Variants in C7orf57 observed in about 807,000 individuals in gnomAD.
The protein encoded by C7orf57 is chromosome 7 open reading frame 57.
C7orf57 carries 33 observed loss-of-function variants against 39.0 expected under a neutral mutation model. The ratio of observed to expected loss-of-function variants is 0.85; its 90% CI spans 0.64 to 1.13. The LOEUF (loss-of-function observed/expected upper bound fraction) is 1.13. Ranked by LOEUF, C7orf57 falls within the 50% of genes most tolerant of loss-of-function variation. The probability of loss-of-function intolerance (pLI) is 0.00; values close to 1 mark genes in which losing one functional copy is unlikely to be tolerated. For synonymous variants in C7orf57, 124 were observed against 137.1 expected (o/e 0.90, Z 0.67); for missense variants, 346 against 362.3 (o/e 0.95, Z 0.37).
Position 48,052,848 on chromosome 7 carries a change from C to T in C7orf57, c.754C>T (p.Arg252Ter), listed in dbSNP as rs570312858. 223 of 1,614,024 alleles carry T rather than the reference C, an allele frequency of 1.4e-4. 1 individual carries two copies. The East Asian group carries it at 3.7e-3, about 27-fold the overall frequency. Reference sequence around the variant, plus strand: ...GGCATCAGTGTTATCTCAGTCCCCACGAGACCTGGAAGGTCCCCAGGATGC... The same window carrying T: ...GGCATCAGTGTTATCTCAGTCCCCATGAGACCTGGAAGGTCCCCAGGATGC... ...SRASVLSQSP[R>*]DLEGPQDAAR... Residue 252 changes from arginine (R) to a stop codon, truncating the protein, a stop_gained, in exon 7 of 9, where the codon CGA (arginine) becomes TGA (stop). Coordinates refer to ENST00000348904, the MANE Select transcript of C7orf57 (RefSeq NM_001100159.3). LOFTEE classifies it high-confidence loss of function.
Position 48,051,774 on chromosome 7 carries a change from C to CT in C7orf57, c.606-923dup, listed in dbSNP as rs767923235. Among the ~76,000 whole-genome samples, 242 of 51,966 alleles carry CT rather than the reference C, an allele frequency of 4.7e-3. 18 individuals carry two copies. The highest frequency in any genetic ancestry group is 0.013 in the African/African-American group (214 of 16,992). The allele number at this position is 51,966 out of a possible 152,430, so 34.1% of individuals were successfully genotyped here. A position where few individuals can be genotyped will look rare whatever the true frequency, so the allele number is the denominator to read the frequency against. On this transcript the variant is annotated intron_variant, in intron 6 of 8. Coordinates refer to ENST00000348904, the MANE Select transcript of C7orf57 (RefSeq NM_001100159.3). ...CTTTTCTTTCTTTCTTTCTTTCTTTCTTTCTTTCTTTCTTTCTTTCTTTCC... is the reference window on the plus strand; with the variant it reads ...CTTTTCTTTCTTTCTTTCTTTCTTTCTTTTCTTTCTTTCTTTCTTTCTTTCC...
intron 6 of C7orf57, among the ~76,000 whole-genome samples, chr7:48,051,856 TTTCTTTCTTTCTTTCTCTTTC>T (rs1790945026): frequency 2.5e-5 from 2 of 79,822 alleles, no homozygotes; most frequent in African/African-American, 6.5e-5. Context: ...TCTTTCTTTC[TTTCTTTCTTTCTTTCTCTTTC>T]TCTTTCTTTC....
At chr7:48,058,124 A>T (rs1210948765) in intron 8 of C7orf57, among the ~76,000 whole-genome samples, 2 of 151,984 alleles carry the variant, frequency 1.3e-5, no homozygotes, top group South Asian at 2.1e-4. Context: ...TTTTGCATCT[A>T]TGTTTATCAG....
At chr7:48,052,458 G>A (rs533826537) in intron 6 of C7orf57, among the ~76,000 whole-genome samples, 1 of 152,194 alleles carries the variant, frequency 6.6e-6, no homozygotes, top group East Asian at 1.9e-4. Context: ...CCTGTACAAG[G>A]GATGCTTTGA....
rs143310989 is a variant in C7orf57, at chr7:48,047,733, C to T, written c.507+1117C>T. On this transcript the variant is annotated intron_variant, in intron 5 of 8. Transcript: ENST00000348904. ...ATTTTTTTAATTAGAGAGAAGTTCT[C>T]GCTCTGTCACCCAGGCTGGAGTGCA... Among the ~76,000 whole-genome samples, 1,163 of 152,076 alleles carry T rather than the reference C, an allele frequency of 7.6e-3. 9 individuals carry two copies. The highest frequency in any genetic ancestry group is 0.022 in the South Asian group (106 of 4,810).
In C7orf57 at chr7:48,035,658, G is replaced by T. The variant is rs1286759712; in HGVS notation, c.-102+28G>T. 1 of 648,960 alleles carries T rather than the reference G, an allele frequency of 1.5e-6. No homozygotes were observed. Among genetic ancestry groups the T allele is most frequent in the Non-Finnish European group, 2.8e-6 (1 of 358,598 alleles). The allele number at this position is 648,960 out of a possible 1,614,324, so 40.2% of individuals were successfully genotyped here. A position where few individuals can be genotyped will look rare whatever the true frequency, so the allele number is the denominator to read the frequency against. The stretch of plus-strand genomic sequence containing the variant: ...GAGCCTGAGCGGGCTGGAGGACAAT[G>T]GGGGCGCCCACTGTGGTCCCGGGCC... On this transcript the variant is annotated intron_variant, in intron 1 of 8. Transcript: ENST00000348904. The surrounding 1 kb of genome is among the most constrained non-coding windows in gnomAD (Gnocchi z 4.0).
intron 7 of C7orf57, 101 bp from the exon 8 acceptor site, chr7:48,054,494 A>G: frequency 1.1e-6 from 1 of 935,886 alleles, no homozygotes; most frequent in South Asian, 1.6e-5. Context: ...TTGTTGTTTT[A>G]AGTAATACAG....
At position 48,035,557 on chromosome 7, in the gene C7orf57, G is replaced by GCAGC. The variant is rs572832566; in HGVS notation, c.-165_-162dup. ...GCTGGGAGTTTGGGTTTGGTTGGCT[G>GCAGC]CAGCCAGCCAGCCGTGTAAAAACTC... On this transcript the variant is annotated 5_prime_UTR_variant, in exon 1 of 9. Transcript: ENST00000348904. This position sits in a 1 kb window ranked among gnomAD's most constrained non-coding sequence, Gnocchi z 4.0. The GCAGC allele has an allele frequency of 7.0e-4, 489 of 698,288 alleles. 1 individual carries two copies. Among genetic ancestry groups the GCAGC allele is most frequent in the African/African-American group, 6.5e-3 (368 of 56,768 alleles). The allele number at this position is 698,288 out of a possible 1,614,324, so 43.3% of individuals were successfully genotyped here.
chr7:48,046,376 G>A, intron 4 of C7orf57, 84 bp from the exon 5 acceptor site: 2 of 1,304,614 alleles, frequency 1.5e-6, no homozygotes, highest in African/African-American at 1.5e-5. Flanking sequence ...GAGGGAAAGG[G>A]AGAGCCAGCG....
intron 8 of C7orf57, among the ~76,000 whole-genome samples, chr7:48,057,993 C>T (rs1791165837): frequency 6.6e-6 from 1 of 152,070 alleles, no homozygotes; most frequent in Admixed American, 6.5e-5. Flanking sequence ...TAGTATATCA[C>T]ATTTAATGAT....
At position 48,060,698 on chromosome 7, in the gene C7orf57, A is replaced by C. The variant is rs1397618337; in HGVS notation, c.*426A>C. ...TCATAGAAATCATTTCTAGTTACAGAAAAATTTAACTCCAGAATATGGTGA... is the reference window on the plus strand; with the variant it reads ...TCATAGAAATCATTTCTAGTTACAGCAAAATTTAACTCCAGAATATGGTGA... On this transcript the variant is annotated 3_prime_UTR_variant, in exon 9 of 9. Transcript: ENST00000348904. 4.6e-5 allele frequency: 7 copies of C among 152,934 alleles called. No homozygotes were observed. Among genetic ancestry groups the C allele is most frequent in the Admixed American group, 4.6e-4 (7 of 15,306 alleles). The allele number at this position is 152,934 out of a possible 1,614,324, so 9.5% of individuals were successfully genotyped here.
chr7:48,051,877 C>CT lies in C7orf57; in HGVS notation c.606-822dup, dbSNP rs1554299795. Among the ~76,000 whole-genome samples the CT allele has an allele frequency of 4.0e-3, 157 of 39,052 alleles. 10 individuals are homozygous for CT. Among genetic ancestry groups the CT allele is most frequent in the South Asian group, 5.8e-3 (6 of 1,030 alleles). The allele number at this position is 39,052 out of a possible 152,430, so 25.6% of individuals were successfully genotyped here. A position where few individuals can be genotyped will look rare whatever the true frequency, so the allele number is the denominator to read the frequency against. ...TTTCTTTCTTTCTTTCTTTCTCTTT[C>CT]TCTTTCTTTCTTTCCTTCCTTCCTT... On this transcript the variant is annotated intron_variant, in intron 6 of 8. Coordinates refer to ENST00000348904, the MANE Select transcript of C7orf57 (RefSeq NM_001100159.3).
chr7:48,054,864 GATGATTATTATT>G (rs1427233274), intron 8 of C7orf57, among the ~76,000 whole-genome samples: 4 of 151,778 alleles, frequency 2.6e-5, no homozygotes, highest in Non-Finnish European at 5.9e-5. Context: ...TGATGATGAT[GATGATTATTATT>G]ATTATTATTA....
At chr7:48,049,611 G>A (rs914541906) in intron 5 of C7orf57, among the ~76,000 whole-genome samples, 1 of 152,130 alleles carries the variant, frequency 6.6e-6, no homozygotes, top group African/African-American at 2.4e-5. Flanking sequence ...CCTTCAGGAC[G>A]AGGCTCTTAG....
At chr7:48,059,849 T>A (rs768056912) in intron 8 of C7orf57, among the ~76,000 whole-genome samples, 23 of 152,162 alleles carry the variant, frequency 1.5e-4, no homozygotes, top group Admixed American at 2.6e-4. Flanking sequence ...ACACGTGCCA[T>A]GCCGAGGCTG....
At chr7:48,046,709 T>C (rs2128793846) in intron 5 of C7orf57, 93 bp downstream of exon 5, 1 of 1,396,720 alleles carries the variant, frequency 7.2e-7, no homozygotes, top group East Asian at 2.5e-5. Context: ...GCTGGTGGCG[T>C]CTTATGTTGC....
At chr7:48,052,332 G>T (rs1790978881) in intron 6 of C7orf57, among the ~76,000 whole-genome samples, 1 of 152,162 alleles carries the variant, frequency 6.6e-6, no homozygotes, top group African/African-American at 2.4e-5. Flanking sequence ...TACTATGAGG[G>T]AAGGGCATGG....
intron 5 of C7orf57, among the ~76,000 whole-genome samples, chr7:48,046,995 C>A (rs1324572763): frequency 1.3e-5 from 2 of 152,066 alleles, no homozygotes; most frequent in East Asian, 3.8e-4. Context: ...CTGGGACACT[C>A]TTTGTTGATA....
At chr7:48,056,176 T>G (rs763604586) in intron 8 of C7orf57, among the ~76,000 whole-genome samples, 2 of 152,224 alleles carry the variant, frequency 1.3e-5, no homozygotes, top group African/African-American at 2.4e-5. Context: ...TGAGATGATA[T>G]CTCATTGTGG....
Sources: allele counts gnomAD v4.1 joint callset (sites outside exome capture counted in the v4.1 genomes callset), GRCh38; gene constraint gnomAD v4.1.1; non-coding constraint Gnocchi (gnomAD v3.1); transcripts MANE v1.5; gene names NCBI Gene and HGNC (gene_info 2026-07-23, HGNC 2026-07-21).